Variants in CACNA2D2 observed in about 807,000 individuals in gnomAD.
CACNA2D2 encodes the protein voltage-dependent calcium channel subunit alpha-2/delta-2.
In CACNA2D2, 48 loss-of-function variants were observed where a neutral mutation model predicts 166.4. That is an observed-to-expected ratio of 0.29 (90% CI 0.23 to 0.37). CACNA2D2 has a LOEUF of 0.37. CACNA2D2 is among the 10% of genes least tolerant of loss of function. The pLI is 1.00. For synonymous variants in CACNA2D2, 561 were observed against 573.7 expected (o/e 0.98, Z 0.32); for missense variants, 1,122 against 1,433.0 (o/e 0.78, Z 3.50).
At chr3:50,409,965 G>A (rs1706915405) in intron 3 of CACNA2D2, among the ~76,000 whole-genome samples, 1 of 152,228 alleles carries the variant, frequency 6.6e-6, no homozygotes, top group Admixed American at 6.5e-5. Flanking sequence ...CTTTCCCAGA[G>A]CATAGACTGA....
At chr3:50,471,460 T>A (rs1710091899) in intron 2 of CACNA2D2, among the ~76,000 whole-genome samples, 1 of 152,106 alleles carries the variant, frequency 6.6e-6, no homozygotes, top group Admixed American at 6.6e-5. Flanking sequence ...TTCTTCCTCT[T>A]CTGCTCCAGC....
At chr3:50,399,182 A>G (rs1443964065) in intron 3 of CACNA2D2, among the ~76,000 whole-genome samples, 1 of 152,204 alleles carries the variant, frequency 6.6e-6, no homozygotes, top group South Asian at 2.1e-4. Flanking sequence ...TAGGTGCTCC[A>G]CACTTCTCCT....
Position 50,366,926 on chromosome 3 carries a change from G to A in CACNA2D2, c.2501-7C>T, listed in dbSNP as rs1187039286. ...TCCAGCTTGACGCCCACCACTTTGG[G>A]GGAGAGCAAGGGACCATCAGTGCTA... On this transcript the variant is annotated splice_region_variant and splice_polypyrimidine_tract_variant and intron_variant, in intron 28 of 37. Transcript: ENST00000424201. The surrounding 1 kb of genome is among the most constrained non-coding windows in gnomAD (Gnocchi z 5.9). 8.1e-6 allele frequency: 13 copies of A among 1,613,606 alleles called. No homozygotes were observed. Among genetic ancestry groups the A allele is most frequent in the African/African-American group, 8.0e-5 (6 of 74,934 alleles).
At chr3:50,385,129 T>C (rs1469014050) in intron 5 of CACNA2D2, among the ~76,000 whole-genome samples, 1 of 152,008 alleles carries the variant, frequency 6.6e-6, no homozygotes, top group East Asian at 1.9e-4. Context: ...GGTCTGTGAC[T>C]AGTGTTGATG....
chr3:50,453,470 G>A (rs940019871), intron 2 of CACNA2D2, among the ~76,000 whole-genome samples: 2 of 152,208 alleles, frequency 1.3e-5, no homozygotes, highest in Admixed American at 6.5e-5. Flanking sequence ...ACCCTGTCAC[G>A]GGGGTGGCTG....
chr3:50,414,117 C>G (rs540140363), intron 3 of CACNA2D2, among the ~76,000 whole-genome samples: 2 of 152,270 alleles, frequency 1.3e-5, no homozygotes, highest in East Asian at 3.9e-4. Context: ...CTCTGAGGCC[C>G]ATGCAGCACA....
At chr3:50,448,267 G>A (rs1225098972) in intron 2 of CACNA2D2, among the ~76,000 whole-genome samples, 5 of 152,174 alleles carry the variant, frequency 3.3e-5, no homozygotes, top group Non-Finnish European at 1.5e-5. Flanking sequence ...ATAGTATTAC[G>A]CTTTGTGGAG....
At position 50,366,677 on chromosome 3, in the gene CACNA2D2, C is replaced by A; in HGVS notation, c.2590-52G>T. On this transcript the variant is annotated intron_variant, in intron 29 of 37. Coordinates refer to ENST00000424201, the MANE Select transcript of CACNA2D2 (RefSeq NM_006030.4). The surrounding 1 kb of genome is among the most constrained non-coding windows in gnomAD (Gnocchi z 5.9). ...AGCCACCCACCAGTTTTCCTCCCTC[C>A]CATCACCTTTCATACATCCGGTTCC... is the stretch of plus-strand genomic sequence containing the variant. 1 of 1,607,620 alleles carries A rather than the reference C, an allele frequency of 6.2e-7. No individual in the cohort carries two copies. Among genetic ancestry groups the A allele is most frequent in the Non-Finnish European group, 8.5e-7 (1 of 1,174,564 alleles).
chr3:50,454,489 G>T (rs1559964952), intron 2 of CACNA2D2, among the ~76,000 whole-genome samples: 1 of 152,096 alleles, frequency 6.6e-6, no homozygotes, highest in Non-Finnish European at 1.5e-5. Flanking sequence ...CGAGGAGAGC[G>T]GAGCCTCCAA....
rs1214343816 is a variant in CACNA2D2 at position 50,366,396 on chromosome 3, C to T, written c.2638-58G>A. 19 of 1,569,218 alleles carry T rather than the reference C, an allele frequency of 1.2e-5. No individual in the cohort carries two copies. Among genetic ancestry groups the T allele is most frequent in the South Asian group, 6.7e-5 (6 of 90,214 alleles). ...AGGGGCTGGGCCCCGGACCTTCCAC[C>T]GCAGGCAGTCCAGTGGTTCAGAGTT... On this transcript the variant is annotated intron_variant, in intron 30 of 37. Coordinates refer to ENST00000424201, the MANE Select transcript of CACNA2D2 (RefSeq NM_006030.4). The surrounding 1 kb of genome is among the most constrained non-coding windows in gnomAD (Gnocchi z 5.9).
intron 23 of CACNA2D2, among the ~76,000 whole-genome samples, 172 bp downstream of exon 23, chr3:50,370,148 C>T (rs1297467742): frequency 3.3e-5 from 5 of 152,126 alleles, no homozygotes; most frequent in Admixed American, 1.3e-4. Context: ...CTGCCTGGTG[C>T]GGTACATGGC....
chr3:50,365,904 C>T lies in CACNA2D2; in HGVS notation c.2863-42G>A, dbSNP rs769982806. 6 of 1,612,494 alleles carry T rather than the reference C, an allele frequency of 3.7e-6. No homozygotes were observed. In the South Asian group the frequency reaches 4.4e-5, roughly 12 times the overall value. On this transcript the variant is annotated intron_variant, in intron 32 of 37. Transcript: ENST00000424201. The surrounding 1 kb of genome is among the most constrained non-coding windows in gnomAD (Gnocchi z 4.5). Reference sequence around the variant, plus strand: ...GGCGTGGACTGCCACTGCTGCCCCTCGCCCTAGGTCACCCCCAGCTTTATC... The same window carrying T: ...GGCGTGGACTGCCACTGCTGCCCCTTGCCCTAGGTCACCCCCAGCTTTATC...
intron 22 of CACNA2D2, 51 bp from the exon 23 acceptor site, chr3:50,370,431 C>T (rs142821887): frequency 0.011 from 2,471 of 233,080 alleles, 8 homozygotes; most frequent in Non-Finnish European, 0.015. Flanking sequence ...GGCTGGAGGC[C>T]GGGGGGCTCA....
chr3:50,450,975 G>A (rs1709071591), intron 2 of CACNA2D2, among the ~76,000 whole-genome samples: 1 of 152,140 alleles, frequency 6.6e-6, no homozygotes, highest in South Asian at 2.1e-4. Context: ...ACTCATTTGT[G>A]GTGTGTACAA....
intron 2 of CACNA2D2, among the ~76,000 whole-genome samples, chr3:50,463,833 TCCCAGGGAGGGAGGA>T (rs1709698132): frequency 6.6e-6 from 1 of 152,096 alleles, no homozygotes; most frequent in African/African-American, 2.4e-5. Flanking sequence ...AGCCCCTGAG[TCCCAGGGAGGGAGGA>T]CCCTCATGTG....
intron 1 of CACNA2D2, among the ~76,000 whole-genome samples, chr3:50,479,344 G>C (rs1697944264): frequency 6.6e-6 from 1 of 152,222 alleles, no homozygotes; most frequent in African/African-American, 2.4e-5. Flanking sequence ...TCCTGGACCT[G>C]CTGGGCAGAC....
chr3:50,366,556 G>T lies in CACNA2D2; in HGVS notation c.2637+22C>A. The T allele has an allele frequency of 6.2e-7, 1 of 1,613,152 alleles. No individual in the cohort carries two copies. Among genetic ancestry groups the T allele is most frequent in the East Asian group, 2.2e-5 (1 of 44,878 alleles). ...GGAAGTGGGGTAAGCTAGGGTCCAG[G>T]GTAGGTTCAGGGCACACACACCTCA... is the stretch of plus-strand genomic sequence containing the variant. On this transcript the variant is annotated intron_variant, in intron 30 of 37. Coordinates refer to ENST00000424201, the MANE Select transcript of CACNA2D2 (RefSeq NM_006030.4). This position sits in a 1 kb window ranked among gnomAD's most constrained non-coding sequence, Gnocchi z 5.9.
At chr3:50,499,296 G>A (rs1303180133) in intron 1 of CACNA2D2, among the ~76,000 whole-genome samples, 1 of 152,156 alleles carries the variant, frequency 6.6e-6, no homozygotes, top group Non-Finnish European at 1.5e-5. Flanking sequence ...AGAGACAGGC[G>A]GCCACCTAGC....
In CACNA2D2 at chr3:50,364,702, C is replaced by A; in HGVS notation, c.3396G>T (p.Gln1132His). ...LLLLGLPPRP[Q>H]PQVLVHASRR... ...GAGAGGCGTGGACGAGGACTTGAGG[C>A]TGCGGCCGGGGCGGCAGGCCCAGGA... is the stretch of plus-strand genomic sequence containing the variant. Residue 1132 changes from glutamine to histidine, a missense_variant, in exon 38 of 38, where the codon CAG (glutamine) becomes CAT (histidine). Gln to His is a conservative substitution (Grantham distance 24). Around this residue, in one of 2 missense-constraint regions of CACNA2D2, gnomAD observed 282 missense variants for 266.2 expected, o/e 1.06. Transcript: ENST00000424201. 6.5e-7 allele frequency: 1 copy of A among 1,544,580 alleles called. No individual in the cohort carries two copies. Among genetic ancestry groups the A allele is most frequent in the Non-Finnish European group, 8.7e-7 (1 of 1,144,302 alleles).
Sources: allele counts gnomAD v4.1 joint callset (sites outside exome capture counted in the v4.1 genomes callset), GRCh38; gene constraint gnomAD v4.1.1; regional missense constraint gnomAD v4.1.1; non-coding constraint Gnocchi (gnomAD v3.1); transcripts MANE v1.5; gene names NCBI Gene and HGNC (gene_info 2026-07-23, HGNC 2026-07-21).